The following ADAM22 variants were observed in gnomAD, a reference collection of about 807,000 sequenced individuals.
ADAM22 encodes the protein ADAM metallopeptidase domain 22.
A neutral mutation model predicts 144.6 loss-of-function variants in ADAM22; 65 were observed. The ratio of observed to expected loss-of-function variants is 0.45; its 90% confidence interval spans 0.37 to 0.55. The LOEUF is 0.55. ADAM22 is among the 20% of genes least tolerant of loss of function. The pLI, the probability that ADAM22 is intolerant of heterozygous loss-of-function variation, is 0.00. For synonymous variants in ADAM22, 391 were observed against 412.6 expected, an observed-to-expected ratio of 0.95 and a Z score of 0.63; for missense variants, 974 against 1,184.9, an observed-to-expected ratio of 0.82 and a Z score of 2.61.
In ADAM22 at chr7:88,143,006, G is replaced by T; in HGVS notation, c.1221-20G>T. 2 of 1,496,208 alleles carry T rather than the reference G, an allele frequency of 1.3e-6. No individual in the cohort carries two copies. The highest frequency in any genetic ancestry group is 1.9e-6 in the Non-Finnish European group (2 of 1,079,204). The allele number at this position is 1,496,208 out of a possible 1,614,324, so 92.7% of individuals were successfully genotyped here. On this transcript the variant is annotated intron_variant, in intron 14 of 31. Coordinates refer to ENST00000413139, the MANE Select transcript of ADAM22 (RefSeq NM_001324418.2). ...GAAAGATGAGTTGAACCCAGCTATT[G>T]CTTTTCTTCTCTTTTATAGCTATTA...
At chr7:88,100,364 A>G (rs1822577583) in intron 4 of ADAM22, among the ~76,000 whole-genome samples, 1 of 152,208 alleles carries the variant, frequency 6.6e-6, no homozygotes, top group Non-Finnish European at 1.5e-5. Context: ...ATTAGTATAG[A>G]TTCATGGATT....
intron 30 of ADAM22, among the ~76,000 whole-genome samples, chr7:88,190,427 C>G (rs969552128): frequency 1.3e-5 from 2 of 151,348 alleles, no homozygotes; most frequent in African/African-American, 2.4e-5. Flanking sequence ...CCCAGCTACT[C>G]GGGAGGCTGA....
At chr7:88,017,795 ATG>A (rs1323769806) in intron 3 of ADAM22, among the ~76,000 whole-genome samples, 3 of 151,720 alleles carry the variant, frequency 2.0e-5, no homozygotes, top group South Asian at 2.1e-4. Flanking sequence ...ATATATATAT[ATG>A]TGTGTGTATA....
intron 3 of ADAM22, among the ~76,000 whole-genome samples, chr7:88,067,649 G>T (rs1811629185): frequency 6.6e-6 from 1 of 152,058 alleles, no homozygotes; most frequent in African/African-American, 2.4e-5. Flanking sequence ...TGCAAAGCCG[G>T]CTTGGAAAAC....
intron 5 of ADAM22, among the ~76,000 whole-genome samples, chr7:88,112,605 A>T (rs553187132): frequency 2.6e-5 from 4 of 152,314 alleles, no homozygotes; most frequent in Non-Finnish European, 5.9e-5. Flanking sequence ...AGCTATCAGA[A>T]TCTGTCTGAG....
chr7:87,978,858 G>T (rs1238157599), intron 3 of ADAM22, among the ~76,000 whole-genome samples: 1 of 152,210 alleles, frequency 6.6e-6, no homozygotes, highest in Non-Finnish European at 1.5e-5. Flanking sequence ...CTTTGATGTG[G>T]TGGTGGATTT....
intron 3 of ADAM22, among the ~76,000 whole-genome samples, chr7:88,058,107 A>G (rs1285919426): frequency 6.6e-6 from 1 of 152,238 alleles, no homozygotes; most frequent in Non-Finnish European, 1.5e-5. Flanking sequence ...GGAGACATCA[A>G]TAAAATTTTG....
At position 88,033,943 on chromosome 7, in the gene ADAM22, T is replaced by G. The variant is rs191715198; in HGVS notation, c.324-41683T>G. 2.8e-4 allele frequency among the ~76,000 whole-genome samples: 43 copies of G among 152,230 alleles called. 1 individual carries two copies. In the East Asian group the frequency reaches 8.3e-3, roughly 29 times the overall value. On this transcript the variant is annotated intron_variant, in intron 3 of 31. Coordinates refer to ENST00000413139, the MANE Select transcript of ADAM22 (RefSeq NM_001324418.2). Reference sequence around the variant, plus strand: ...GCCTGGAGCTCACTGTTAAGGGCAGTGAGCTCCCCTCTGGCCCAGAGCAGA... The same window carrying G: ...GCCTGGAGCTCACTGTTAAGGGCAGGGAGCTCCCCTCTGGCCCAGAGCAGA...
chr7:88,097,740 A>G (rs1466925864), intron 4 of ADAM22, among the ~76,000 whole-genome samples: 1 of 152,110 alleles, frequency 6.6e-6, no homozygotes, highest in Non-Finnish European at 1.5e-5. Flanking sequence ...TCATCTAGTC[A>G]GTTATGTTTT....
rs1850892380 is a variant in ADAM22 at position 88,198,342 on chromosome 7, T to C, written c.*1851T>C. On this transcript the variant is annotated 3_prime_UTR_variant, in exon 32 of 32. Transcript: ENST00000413139. ...TTGAAATGTTTGGAAAGCAATTTAA[T>C]GATCCAAAATTACATAATGTAAAAC... 1 of 152,204 alleles carries C rather than the reference T, an allele frequency of 6.6e-6. No homozygotes were observed. The allele number at this position is 152,204 out of a possible 1,614,324, so 9.4% of individuals were successfully genotyped here.
chr7:87,986,971 T>C (rs886213341), intron 3 of ADAM22, among the ~76,000 whole-genome samples: 3 of 152,210 alleles, frequency 2.0e-5, no homozygotes, highest in African/African-American at 7.2e-5. Context: ...TATATTTTTG[T>C]GCAACAGATT....
chr7:88,153,204 A>AT lies in ADAM22; in HGVS notation c.1682-10dup, dbSNP rs746870922. On this transcript the variant is annotated splice_polypyrimidine_tract_variant and intron_variant, in intron 20 of 31. Transcript: ENST00000413139. ...ATCGTACTTCCCTCACTGATAGAAA[A>AT]TTTTTTTCTGCCTTAGAGGTGACAG... is the stretch of plus-strand genomic sequence containing the variant. 113 of 1,596,824 alleles carry AT rather than the reference A, an allele frequency of 7.1e-5. No individual in the cohort carries two copies. In the Middle Eastern group the frequency reaches 8.4e-4, roughly 12 times the overall value.
At chr7:88,003,907 C>T (rs935575857) in intron 3 of ADAM22, among the ~76,000 whole-genome samples, 1 of 152,180 alleles carries the variant, frequency 6.6e-6, no homozygotes, top group Non-Finnish European at 1.5e-5. Flanking sequence ...AGTGAGCACT[C>T]AGGAATGAAC....
At chr7:88,118,048 A>T (rs1402226254) in intron 7 of ADAM22, among the ~76,000 whole-genome samples, 1 of 152,122 alleles carries the variant, frequency 6.6e-6, no homozygotes, top group African/African-American at 2.4e-5. Context: ...TGTAAGATTA[A>T]TGTTATTCCC....
intron 2 of ADAM22, among the ~76,000 whole-genome samples, chr7:87,973,559 A>G (rs895029765): frequency 6.6e-6 from 1 of 152,014 alleles, no homozygotes; most frequent in African/African-American, 2.4e-5. Context: ...AACTAGAAAT[A>G]CCATTTGACC....
At chr7:88,036,857 A>G (rs1801633349) in intron 3 of ADAM22, among the ~76,000 whole-genome samples, 1 of 152,086 alleles carries the variant, frequency 6.6e-6, no homozygotes, top group Non-Finnish European at 1.5e-5. Context: ...TGAAGAAAAC[A>G]GTTGGCTTTT....
Position 88,153,759 on chromosome 7 carries a change from CT to C in ADAM22, c.1787+434del, listed in dbSNP as rs1302884795. ...CTTCCCTCTACACATTGTCCAAATG[CT>C]AAATTACATCCATTCTTCCCTTTGC... On this transcript the variant is annotated intron_variant, in intron 21 of 31. Coordinates refer to ENST00000413139, the MANE Select transcript of ADAM22 (RefSeq NM_001324418.2). Among the ~76,000 whole-genome samples, 18 of 152,158 alleles carry C rather than the reference CT, an allele frequency of 1.2e-4. No homozygotes were observed. In the East Asian group the frequency reaches 2.9e-3, roughly 24 times the overall value.
intron 3 of ADAM22, among the ~76,000 whole-genome samples, chr7:88,034,065 G>A (rs1038459620): frequency 1.3e-5 from 2 of 152,114 alleles, no homozygotes; most frequent in Non-Finnish European, 2.9e-5. Context: ...TACCTAAGGT[G>A]CAAGACAAAG....
In ADAM22 at chr7:87,982,704, T is replaced by G. The variant is rs1286637561; in HGVS notation, c.323+4292T>G. ...ATATATATATATATATATATAATTT[T>G]TTTTTTTGAGATACAGTTTTGCTCT... On this transcript the variant is annotated intron_variant, in intron 3 of 31. Coordinates refer to ENST00000413139, the MANE Select transcript of ADAM22 (RefSeq NM_001324418.2). 3.9e-5 allele frequency among the ~76,000 whole-genome samples: 5 copies of G among 129,170 alleles called. 1 individual carries two copies. Among genetic ancestry groups the G allele is most frequent in the African/African-American group, 1.4e-4 (5 of 34,618 alleles). 84.7% of individuals were successfully genotyped at this position (129,170 alleles called of 152,430 possible). A position where few individuals can be genotyped will look rare whatever the true frequency, so the allele number is the denominator to read the frequency against.
Sources: allele counts gnomAD v4.1 joint callset (sites outside exome capture counted in the v4.1 genomes callset), GRCh38; gene constraint gnomAD v4.1.1; transcripts MANE v1.5; gene names NCBI Gene and HGNC (gene_info 2026-07-23, HGNC 2026-07-21).